ELL: variants seen among roughly 807,000 people sequenced by gnomAD.
ELL encodes the protein elongation factor for RNA polymerase II.
ELL carries 18 observed loss-of-function variants against 64.0 expected under a neutral mutation model. That is an observed-to-expected ratio of 0.28 (90% CI 0.19 to 0.42). The LOEUF is 0.42. ELL is among the 10% of genes least tolerant of loss of function. The pLI is 1.00. For missense variants in ELL, 797 were observed against 870.4 expected, an observed-to-expected ratio of 0.92 and a Z score of 1.06; for synonymous variants, 399 against 376.2, an observed-to-expected ratio of 1.06 and a Z score of -0.70.
At chr19:18,466,147 G>A (rs1352341586) in intron 2 of ELL, among the ~76,000 whole-genome samples, 1 of 152,214 alleles carries the variant, frequency 6.6e-6, no homozygotes, top group African/African-American at 2.4e-5. Flanking sequence ...GTGGGCATGG[G>A]GCCAGGGGCC....
At chr19:18,512,388 G>A (rs271629) in intron 1 of ELL, among the ~76,000 whole-genome samples, 70,743 of 151,976 alleles carry the variant, frequency 0.47, 19,100 homozygotes, top group African/African-American at 0.76. Flanking sequence ...CTGTAATCCC[G>A]GCATTTTGGG....
chr19:18,495,281 T>C (rs544658688), intron 1 of ELL, among the ~76,000 whole-genome samples: 1 of 152,160 alleles, frequency 6.6e-6, no homozygotes, highest in African/African-American at 2.4e-5. Context: ...GGTCAGTGTC[T>C]GGCATGACAA....
chr19:18,446,907 A>G, intron 8 of ELL, 93 bp from the exon 9 acceptor site: 6 of 1,354,240 alleles, frequency 4.4e-6, no homozygotes, highest in East Asian at 4.7e-5. Flanking sequence ...AAAACTGTAC[A>G]CTTTGCTGCT....
At position 18,451,582 on chromosome 19, in the gene ELL, G is replaced by A. The variant is rs78299636; in HGVS notation, c.936C>T (p.Gly312=). The change falls in exon 7 of 12, where the codon GGC becomes GGT. Residue 312 remains glycine (G), a synonymous_variant. Coordinates refer to ENST00000262809, the MANE Select transcript of ELL (RefSeq NM_006532.4). ...GGGGCGAGGCCGAGCGCCCACGCTC[G>A]CCTGGGGGGCTGGAGGCAGCAGGGT... The part of the protein sequence containing the change: ...LGDPAASSPP[G]ERGRSASPPQ... 2.6e-4 allele frequency: 393 copies of A among 1,495,306 alleles called. 6 individuals are homozygous for A. In the African/African-American group the frequency reaches 4.7e-3, roughly 18 times the overall value. The allele number at this position is 1,495,306 out of a possible 1,614,324, so 92.6% of individuals were successfully genotyped here.
At chr19:18,446,671 T>TA (rs1259754850) in intron 9 of ELL, 77 bp downstream of exon 9, 16 of 1,571,964 alleles carry the variant, frequency 1.0e-5, no homozygotes, top group Non-Finnish European at 1.7e-6. Flanking sequence ...CTACCTCTGA[T>TA]AACCTGCAGT....
At chr19:18,503,495 G>A (rs1481029502) in intron 1 of ELL, among the ~76,000 whole-genome samples, 1 of 152,162 alleles carries the variant, frequency 6.6e-6, no homozygotes, top group Non-Finnish European at 1.5e-5. Context: ...GGAACAGACA[G>A]AACAGGCTAT....
At chr19:18,494,550 C>T (rs1304748780) in intron 1 of ELL, among the ~76,000 whole-genome samples, 1 of 152,074 alleles carries the variant, frequency 6.6e-6, no homozygotes, top group Non-Finnish European at 1.5e-5. Context: ...GCCACCACAC[C>T]TGACTAATTT....
At chr19:18,456,895 T>A (rs1974689907) in intron 6 of ELL, among the ~76,000 whole-genome samples, 1 of 151,298 alleles carries the variant, frequency 6.6e-6, no homozygotes, top group African/African-American at 2.4e-5. Flanking sequence ...TGCTTTGATA[T>A]ACACGAAGCC....
chr19:18,504,160 C>A (rs756491525), intron 1 of ELL, among the ~76,000 whole-genome samples: 9 of 152,212 alleles, frequency 5.9e-5, no homozygotes, highest in Non-Finnish European at 1.2e-4. Flanking sequence ...TTGGCCTCCT[C>A]AGCCACTTGT....
chr19:18,481,321 A>G (rs893187760), intron 1 of ELL, among the ~76,000 whole-genome samples: 2 of 152,224 alleles, frequency 1.3e-5, no homozygotes, highest in Non-Finnish European at 2.9e-5. Flanking sequence ...ACTGGGGGCC[A>G]GAAGTCTGAA....
intron 1 of ELL, among the ~76,000 whole-genome samples, chr19:18,517,299 CCAGGCTGGAGTGCAGTGGTGCGA>C: frequency 6.6e-6 from 1 of 152,254 alleles, no homozygotes; most frequent in South Asian, 2.1e-4. Context: ...CCTCTGTTAC[CCAGGCTGGAGTGCAGTGGTGCGA>C]TCTCGGTTCA....
chr19:18,474,562 G>A (rs1450230561), intron 1 of ELL, among the ~76,000 whole-genome samples: 2 of 152,228 alleles, frequency 1.3e-5, no homozygotes, highest in East Asian at 3.9e-4. Flanking sequence ...CAGCGAGCAC[G>A]ATTCACGGCG....
intron 1 of ELL, among the ~76,000 whole-genome samples, chr19:18,507,603 G>A (rs1975909600): frequency 6.6e-6 from 1 of 152,212 alleles, no homozygotes; most frequent in Non-Finnish European, 1.5e-5. Context: ...TGATCTGGCT[G>A]TTGCTGGTTT....
intron 1 of ELL, among the ~76,000 whole-genome samples, chr19:18,502,120 G>A (rs1975791064): frequency 6.6e-6 from 1 of 152,176 alleles, no homozygotes. Flanking sequence ...TCTACGCTAA[G>A]CTGCCTGGTG....
In ELL at chr19:18,472,900, A is replaced by G. The variant is rs1196203337; in HGVS notation, c.136-18T>C. ...ACAGAATCCTATAAAAAAAAAAAAA[A>G]AAAAAAAAAGGTGAGGGGAACATCA... On this transcript the variant is annotated intron_variant, in intron 1 of 11. Coordinates refer to ENST00000262809, the MANE Select transcript of ELL (RefSeq NM_006532.4). 3 of 1,565,598 alleles carry G rather than the reference A, an allele frequency of 1.9e-6. No homozygotes were observed. The highest frequency in any genetic ancestry group is 2.4e-5 in the South Asian group (2 of 83,064).
intron 1 of ELL, among the ~76,000 whole-genome samples, chr19:18,494,633 C>T (rs1250942536): frequency 6.6e-6 from 1 of 152,154 alleles, no homozygotes; most frequent in Non-Finnish European, 1.5e-5. Flanking sequence ...TCAAGTGATC[C>T]GCCCACCTTG....
chr19:18,471,306 T>C (rs906649619), intron 2 of ELL: 10 of 409,114 alleles, frequency 2.4e-5, no homozygotes, highest in Admixed American at 2.8e-5. Flanking sequence ...GCCCAAGAGT[T>C]CAAAGCTGAA....
chr19:18,480,651 T>G (rs894461170), intron 1 of ELL, among the ~76,000 whole-genome samples: 2 of 152,200 alleles, frequency 1.3e-5, no homozygotes, highest in Non-Finnish European at 2.9e-5. Context: ...TCTTTCTTTT[T>G]GGAGATAAGC....
Position 18,450,605 on chromosome 19 carries a change from C to G in ELL, c.1337G>C (p.Ser446Thr), listed in dbSNP as rs777756419. 2 of 1,611,764 alleles carry G rather than the reference C, an allele frequency of 1.2e-6. No individual in the cohort carries two copies. Among genetic ancestry groups the G allele is most frequent in the South Asian group, 1.1e-5 (1 of 90,952 alleles). Residue 446 changes from serine to threonine, a missense_variant, in exon 8 of 12, where the codon AGC becomes ACC. By Grantham distance (58) the Ser-to-Thr change is moderately conservative. Transcript: ENST00000262809. The part of the protein sequence containing the change: ...PSRPHGSPSR[S>T]KPKKKSKKHK... ...CTTCTTGGACTTCTTCTTGGGCTTG[C>G]TGCGCGAGGGGCTGCCGTGTGGCCT...
Sources: gnomAD v4.1 joint callset for allele counts (sites outside exome capture counted in the v4.1 genomes callset) on GRCh38, gnomAD v4.1.1 for gene constraint, MANE v1.5 for transcripts, NCBI Gene and HGNC (gene_info 2026-07-23, HGNC 2026-07-21) for gene names.